The following ARHGAP42 variants were observed in gnomAD, a reference collection of about 807,000 sequenced individuals.
ARHGAP42 encodes Rho GTPase activating protein 42.
In ARHGAP42, 63 loss-of-function variants were observed where a neutral mutation model predicts 125.0. That is an observed-to-expected ratio of 0.50 (90% confidence interval 0.41 to 0.62). The LOEUF (loss-of-function observed/expected upper bound fraction) is 0.62, where lower values mean the gene tolerates loss of function less well. Ranked by LOEUF, ARHGAP42 falls within the 20% of genes least tolerant of loss-of-function variation. The probability of loss-of-function intolerance (pLI) is 0.00; values close to 1 mark genes in which losing one functional copy is unlikely to be tolerated. For synonymous variants in ARHGAP42, 339 were observed against 351.0 expected (o/e 0.97, Z 0.38); for missense variants, 766 against 1,024.2 (o/e 0.75, Z 3.44).
At chr11:100,893,158 G>GGTGTGTGTATGT (rs1555018921) in intron 4 of ARHGAP42, among the ~76,000 whole-genome samples, 1 of 146,988 alleles carries the variant, frequency 6.8e-6, no homozygotes, top group African/African-American at 2.5e-5. Flanking sequence ...AACATTTAGG[G>GGTGTGTGTATGT]GTGTGTGTGT....
At chr11:100,845,196 G>T (rs1196466229) in intron 3 of ARHGAP42, among the ~76,000 whole-genome samples, 2 of 151,874 alleles carry the variant, frequency 1.3e-5, no homozygotes, top group Non-Finnish European at 2.9e-5. Flanking sequence ...AATGGCATTG[G>T]CAGCAATCTG....
chr11:100,695,401 T>G (rs1456645405), intron 1 of ARHGAP42, among the ~76,000 whole-genome samples: 1 of 152,138 alleles, frequency 6.6e-6, no homozygotes, highest in African/African-American at 2.4e-5. Flanking sequence ...CCTCCCGGAT[T>G]CAAGCTATTC....
intron 3 of ARHGAP42, among the ~76,000 whole-genome samples, chr11:100,819,875 T>G (rs1864363404): frequency 1.3e-5 from 2 of 152,208 alleles, no homozygotes; most frequent in East Asian, 3.8e-4. Flanking sequence ...TATTTAGGAA[T>G]TCTTGATTTA....
At chr11:100,889,100 G>A (rs2135188790) in intron 4 of ARHGAP42, among the ~76,000 whole-genome samples, 1 of 152,274 alleles carries the variant, frequency 6.6e-6, no homozygotes, top group Non-Finnish European at 1.5e-5. Flanking sequence ...AGCACACTCA[G>A]CGTGTCGACA....
chr11:100,981,799 G>A (rs2038175151), intron 22 of ARHGAP42, among the ~76,000 whole-genome samples: 1 of 152,196 alleles, frequency 6.6e-6, no homozygotes, highest in African/African-American at 2.4e-5. Context: ...GATCAGGATT[G>A]GGCAGCTGTT....
chr11:100,821,225 G>C (rs1341742259), intron 3 of ARHGAP42, among the ~76,000 whole-genome samples: 1 of 152,078 alleles, frequency 6.6e-6, no homozygotes, highest in Non-Finnish European at 1.5e-5. Context: ...TTGTTACCAG[G>C]ACTGGATAGA....
At chr11:100,980,734 C>T (rs953353262) in intron 22 of ARHGAP42, among the ~76,000 whole-genome samples, 5 of 150,152 alleles carry the variant, frequency 3.3e-5, no homozygotes, top group African/African-American at 1.2e-4. Context: ...CCATGTGCAG[C>T]TAATTTTTGT....
intron 3 of ARHGAP42, among the ~76,000 whole-genome samples, chr11:100,829,585 C>G (rs1035186359): frequency 9.9e-5 from 15 of 152,142 alleles, no homozygotes; most frequent in Non-Finnish European, 2.1e-4. Context: ...TCCTCCTCTG[C>G]CCCCTAGGGT....
intron 6 of ARHGAP42, among the ~76,000 whole-genome samples, chr11:100,925,471 C>A (rs1443601119): frequency 6.6e-6 from 1 of 152,086 alleles, no homozygotes; most frequent in African/African-American, 2.4e-5. Flanking sequence ...GGCACAGTAG[C>A]TCACGCCTGT....
At chr11:100,823,375 T>TC (rs1198889155) in intron 3 of ARHGAP42, among the ~76,000 whole-genome samples, 11 of 152,162 alleles carry the variant, frequency 7.2e-5, no homozygotes, top group African/African-American at 2.7e-4. Context: ...CACCTCTTGC[T>TC]CCAGCACTGC....
chr11:100,752,817 C>T (rs979473781), intron 1 of ARHGAP42, among the ~76,000 whole-genome samples: 13 of 152,220 alleles, frequency 8.5e-5, no homozygotes, highest in African/African-American at 3.1e-4. Context: ...CAGGGTGGTG[C>T]AGGCTATAGT....
intron 1 of ARHGAP42, among the ~76,000 whole-genome samples, chr11:100,746,187 C>A (rs1341423165): frequency 6.6e-6 from 1 of 152,228 alleles, no homozygotes; most frequent in African/African-American, 2.4e-5. Flanking sequence ...TAAGCTCTTG[C>A]AAATTCTTAA....
chr11:100,710,318 C>T (rs1024930364), intron 1 of ARHGAP42, among the ~76,000 whole-genome samples: 1 of 151,780 alleles, frequency 6.6e-6, no homozygotes, highest in Non-Finnish European at 1.5e-5. Flanking sequence ...ATCTCCACCT[C>T]CCGGTTGAAA....
intron 4 of ARHGAP42, among the ~76,000 whole-genome samples, chr11:100,872,740 C>T (rs1865726365): frequency 6.6e-6 from 1 of 152,160 alleles, no homozygotes; most frequent in South Asian, 2.1e-4. Context: ...ACCTCATTCT[C>T]CTTTCCCAGT....
intron 3 of ARHGAP42, among the ~76,000 whole-genome samples, chr11:100,853,071 T>C (rs1208006302): frequency 2.6e-5 from 4 of 152,200 alleles, no homozygotes; most frequent in Non-Finnish European, 5.9e-5. Context: ...TTTGAGTTAA[T>C]ATAGTCTTTT....
At chr11:100,898,248 T>G (rs980319411) in intron 4 of ARHGAP42, among the ~76,000 whole-genome samples, 4 of 152,168 alleles carry the variant, frequency 2.6e-5, no homozygotes, top group African/African-American at 4.8e-5. Context: ...TTTGCCAGTA[T>G]TTTATTGAGG....
chr11:100,907,080 A>G (rs999488777), intron 4 of ARHGAP42, among the ~76,000 whole-genome samples: 2 of 152,150 alleles, frequency 1.3e-5, no homozygotes, highest in African/African-American at 4.8e-5. Flanking sequence ...AAAAGACTTC[A>G]CCCCTCTACA....
chr11:100,942,078 G>A (rs1310231427), intron 9 of ARHGAP42, among the ~76,000 whole-genome samples, 194 bp downstream of exon 9: 1 of 152,144 alleles, frequency 6.6e-6, no homozygotes, highest in African/African-American at 2.4e-5. Flanking sequence ...CTTTAACTTG[G>A]CCATGGCATA....
chr11:100,883,491 C>T (rs563338956), intron 4 of ARHGAP42, among the ~76,000 whole-genome samples: 10 of 151,864 alleles, frequency 6.6e-5, no homozygotes, highest in East Asian at 3.9e-4. Flanking sequence ...TACAGGTGCC[C>T]GCCACCATGC....
Sources: gnomAD v4.1 joint callset for allele counts (sites outside exome capture counted in the v4.1 genomes callset) on GRCh38, gnomAD v4.1.1 for gene constraint, MANE v1.5 for transcripts, NCBI Gene and HGNC (gene_info 2026-07-23, HGNC 2026-07-21) for gene names.